KIAA0232: variants seen among roughly 807,000 people sequenced by gnomAD.
The protein encoded by KIAA0232 is KIAA0232.
A neutral mutation model predicts 122.0 loss-of-function variants in KIAA0232; 27 were observed. The observed-to-expected ratio is 0.22, with a 90% CI of 0.16 to 0.31. The LOEUF is 0.31. Among genes scored for constraint, KIAA0232 ranks in the 10% least tolerant of loss-of-function variants. The pLI, the probability that KIAA0232 is intolerant of heterozygous loss-of-function variation, is 1.00. For missense variants in KIAA0232, 1,551 were observed against 1,634.2 expected, an observed-to-expected ratio of 0.95 and a Z score of 0.88; for synonymous variants, 613 against 587.6, an observed-to-expected ratio of 1.04 and a Z score of -0.63.
At chr4:6,842,267 A>G (rs906072491) in intron 4 of KIAA0232, 63 bp downstream of exon 4, 24 of 1,509,308 alleles carry the variant, frequency 1.6e-5, no homozygotes, top group East Asian at 4.9e-5. Context: ...TAAGTTTACA[A>G]ATATGACAAC....
intron 3 of KIAA0232, among the ~76,000 whole-genome samples, chr4:6,839,211 A>G (rs1447957455): frequency 6.6e-6 from 1 of 152,220 alleles, no homozygotes; most frequent in Non-Finnish European, 1.5e-5. Flanking sequence ...TAGCTCTTAT[A>G]TGAAAATTGA....
At chr4:6,831,382 T>C (rs374134444) in intron 3 of KIAA0232, among the ~76,000 whole-genome samples, 1 of 152,222 alleles carries the variant, frequency 6.6e-6, no homozygotes, top group East Asian at 1.9e-4. Context: ...TAGAAGTTTT[T>C]TCTTTGCAGA....
At chr4:6,843,287 A>G (rs1719760928) in intron 4 of KIAA0232, among the ~76,000 whole-genome samples, 1 of 152,184 alleles carries the variant, frequency 6.6e-6, no homozygotes, top group Non-Finnish European at 1.5e-5. Flanking sequence ...TGCAAGGCGA[A>G]ATTGAGTGGA....
At chr4:6,825,432 C>T (rs1385113857) in intron 3 of KIAA0232, among the ~76,000 whole-genome samples, 1 of 152,036 alleles carries the variant, frequency 6.6e-6, no homozygotes. Context: ...TGCCTGTAGT[C>T]AGTCCGTAGC....
chr4:6,800,571 C>A (rs1362990569), intron 1 of KIAA0232, among the ~76,000 whole-genome samples: 1 of 151,590 alleles, frequency 6.6e-6, no homozygotes, highest in African/African-American at 2.4e-5. Context: ...ATCCCAGCTA[C>A]GCAGGAGGCT....
chr4:6,828,615 A>G (rs1321859387), intron 3 of KIAA0232, among the ~76,000 whole-genome samples: 2 of 152,158 alleles, frequency 1.3e-5, no homozygotes, highest in Admixed American at 6.5e-5. Context: ...TTAAACATTT[A>G]TCTTTTCTTT....
intron 3 of KIAA0232, 89 bp from the exon 4 acceptor site, chr4:6,841,978 C>A: frequency 7.0e-7 from 1 of 1,433,560 alleles, no homozygotes; most frequent in Non-Finnish European, 9.5e-7. Context: ...ATGCAAGGGG[C>A]CTTTTTGTGA....
At chr4:6,880,675 C>T in intron 9 of KIAA0232, 112 bp from the exon 10 acceptor site, 1 of 728,474 alleles carries the variant, frequency 1.4e-6, no homozygotes, top group Non-Finnish European at 2.0e-6. Flanking sequence ...TTTGTAACTC[C>T]ACAGGAAAAC....
intron 3 of KIAA0232, among the ~76,000 whole-genome samples, chr4:6,832,410 G>A (rs1231368081): frequency 6.7e-6 from 1 of 149,896 alleles, no homozygotes; most frequent in Non-Finnish European, 1.5e-5. Flanking sequence ...GTGTAGTGGC[G>A]TGATCTCGGC....
At chr4:6,800,793 T>C (rs1717354679) in intron 1 of KIAA0232, among the ~76,000 whole-genome samples, 1 of 152,080 alleles carries the variant, frequency 6.6e-6, no homozygotes, top group Non-Finnish European at 1.5e-5. Context: ...TTTTATATAG[T>C]TTTGGGTCAC....
At position 6,882,396 on chromosome 4, in the gene KIAA0232, G is replaced by C. The variant is rs1425428219; in HGVS notation, c.*1430G>C. On this transcript the variant is annotated 3_prime_UTR_variant, in exon 10 of 10. Transcript: ENST00000307659. ...CAGTAAACACACATATAATTTATTA[G>C]CTGGGAGCTGAACTGGCTGTGAAAT... 6.6e-6 allele frequency: 1 copy of C among 152,178 alleles called. No individual in the cohort carries two copies. Among genetic ancestry groups the C allele is most frequent in the Non-Finnish European group, 1.5e-5 (1 of 68,036 alleles). 9.4% of individuals were successfully genotyped at this position (152,178 alleles called of 1,614,324 possible).
intron 3 of KIAA0232, 71 bp downstream of exon 3, chr4:6,824,755 A>G (rs1235621213): frequency 7.9e-7 from 1 of 1,265,362 alleles, no homozygotes; most frequent in East Asian, 2.4e-5. Context: ...TTAAACAAGC[A>G]CTTTTATACT....
intron 9 of KIAA0232, among the ~76,000 whole-genome samples, chr4:6,877,698 G>A (rs1404045750): frequency 6.6e-6 from 1 of 152,038 alleles, no homozygotes; most frequent in East Asian, 1.9e-4. Flanking sequence ...ACATTTTTCT[G>A]CCTGCTTTAT....
chr4:6,868,559 A>G (rs2108820387), intron 7 of KIAA0232, among the ~76,000 whole-genome samples: 1 of 152,282 alleles, frequency 6.6e-6, no homozygotes, highest in East Asian at 1.9e-4. Flanking sequence ...ACTTAGAGGT[A>G]AGAGAGTGAG....
At chr4:6,803,416 G>A (rs927736268) in intron 1 of KIAA0232, among the ~76,000 whole-genome samples, 1 of 152,080 alleles carries the variant, frequency 6.6e-6, no homozygotes, top group African/African-American at 2.4e-5. Context: ...GAATGTTCAA[G>A]GGTCTGTCAC....
At chr4:6,824,092 G>C in intron 2 of KIAA0232, 93 bp from the exon 3 acceptor site, 1 of 411,170 alleles carries the variant, frequency 2.4e-6, no homozygotes, top group Admixed American at 3.9e-5. Context: ...TTTTAATAAA[G>C]AGGGACAGTT....
intron 3 of KIAA0232, among the ~76,000 whole-genome samples, chr4:6,830,823 T>G (rs1718936801): frequency 6.6e-6 from 1 of 152,076 alleles, no homozygotes. Context: ...TAATAGGTCA[T>G]CTTTGCTATG....
At position 6,824,557 on chromosome 4, in the gene KIAA0232, C is replaced by T; in HGVS notation, c.104C>T (p.Ala35Val). ...VSVSEMSLLH[A>V]LGPVQTWLGQ... Reference sequence around the variant, plus strand: ...GTTTCTGAAATGTCTCTGCTTCATGCTTTGGGTCCAGTGCAGACCTGGCTG... The same window carrying T: ...GTTTCTGAAATGTCTCTGCTTCATGTTTTGGGTCCAGTGCAGACCTGGCTG... Residue 35 changes from alanine (A) to valine (V), a missense_variant, in exon 3 of 10, where the codon GCT (alanine) becomes GTT (valine). Transcript: ENST00000307659. 1.2e-6 allele frequency: 2 copies of T among 1,614,192 alleles called. No individual in the cohort carries two copies. The highest frequency in any genetic ancestry group is 2.2e-5 in the South Asian group (2 of 91,090).
intron 7 of KIAA0232, among the ~76,000 whole-genome samples, chr4:6,866,475 G>A (rs1721188810): frequency 6.6e-6 from 1 of 152,200 alleles, no homozygotes. Context: ...GTGACCTGAA[G>A]GGACAGTTTG....
Sources: gnomAD v4.1 joint callset for allele counts (sites outside exome capture counted in the v4.1 genomes callset) on GRCh38, gnomAD v4.1.1 for gene constraint, MANE v1.5 for transcripts, NCBI Gene and HGNC (gene_info 2026-07-23, HGNC 2026-07-21) for gene names.